Variants in WWOX observed in about 807,000 individuals in gnomAD.
WWOX encodes WW domain-containing oxidoreductase.
A neutral mutation model predicts 46.2 loss-of-function variants in WWOX; 69 were observed. That is an observed-to-expected ratio of 1.49 (90% confidence interval 1.23 to 1.82). The LOEUF (loss-of-function observed/expected upper bound fraction) is 1.82. WWOX is among the 40% of genes most tolerant of loss of function. The pLI, the probability that WWOX is intolerant of heterozygous loss-of-function variation, is 0.00. For missense variants in WWOX, 919 were observed against 542.6 expected (o/e 1.69, Z -6.89); for synonymous variants, 359 against 202.6 (o/e 1.77, Z -6.56).
Position 79,136,299 on chromosome 16 carries a change from C to G in WWOX, c.1057-75309C>G, listed in dbSNP as rs147058800. Among the ~76,000 whole-genome samples the G allele has an allele frequency of 9.8e-3, 1,482 of 151,384 alleles. 24 individuals are homozygous for G. The highest frequency in any genetic ancestry group is 0.034 in the African/African-American group (1,409 of 41,192). On this transcript the variant is annotated intron_variant, in intron 8 of 8. Coordinates refer to ENST00000566780, the MANE Select transcript of WWOX (RefSeq NM_016373.4). ...AGGCTGGAGTGCAGTGGTGCAATCTCGGCTCACTGCAACATTTGACTCCCT... is the reference window on the plus strand; with the variant it reads ...AGGCTGGAGTGCAGTGGTGCAATCTGGGCTCACTGCAACATTTGACTCCCT...
intron 8 of WWOX, among the ~76,000 whole-genome samples, chr16:78,922,801 AG>A (rs1288131779): frequency 6.6e-6 from 1 of 152,216 alleles, no homozygotes; most frequent in Non-Finnish European, 1.5e-5. Flanking sequence ...GAGTAACTAA[AG>A]GAACTGGAGC....
chr16:79,077,449 T>G (rs1171545079), intron 8 of WWOX: 2 of 152,074 alleles, frequency 1.3e-5, no homozygotes, highest in Non-Finnish European at 2.9e-5. Context: ...GGAAGCTAAG[T>G]AGGAGCTGAA....
intron 8 of WWOX, among the ~76,000 whole-genome samples, chr16:78,980,077 G>C (rs1249225370): frequency 6.6e-6 from 1 of 152,188 alleles, no homozygotes; most frequent in Non-Finnish European, 1.5e-5. Context: ...GTAGTAAGCT[G>C]AGATTGCACC....
intron 8 of WWOX, among the ~76,000 whole-genome samples, chr16:78,947,871 C>T (rs2045979791): frequency 1.3e-5 from 2 of 152,146 alleles, no homozygotes; most frequent in South Asian, 4.1e-4. Flanking sequence ...TTGTAAGCAT[C>T]CTTCCAACAG....
At chr16:78,178,335 C>T (rs932234582) in intron 5 of WWOX, among the ~76,000 whole-genome samples, 1 of 152,160 alleles carries the variant, frequency 6.6e-6, no homozygotes, top group African/African-American at 2.4e-5. Flanking sequence ...CAGCCTCTAG[C>T]CCAAAATTGT....
At chr16:79,000,494 C>T (rs2047072121) in intron 8 of WWOX, among the ~76,000 whole-genome samples, 1 of 152,130 alleles carries the variant, frequency 6.6e-6, no homozygotes, top group South Asian at 2.1e-4. Flanking sequence ...GGGTCATAAT[C>T]AGAGAGGTGG....
intron 8 of WWOX, chr16:78,897,440 C>T (rs1205056530): frequency 2.0e-5 from 3 of 151,982 alleles, no homozygotes; most frequent in South Asian, 2.1e-4. Flanking sequence ...TTGTATGTGT[C>T]GTCTTCTGCT....
intron 8 of WWOX, among the ~76,000 whole-genome samples, chr16:79,152,821 G>A (rs2050307499): frequency 2.0e-5 from 3 of 152,188 alleles, no homozygotes; most frequent in Admixed American, 6.5e-5. Context: ...GGCCAGCACT[G>A]GGGTGGAGGC....
intron 8 of WWOX, among the ~76,000 whole-genome samples, chr16:79,141,649 C>G (rs1028774164): frequency 3.9e-5 from 6 of 152,156 alleles, no homozygotes; most frequent in African/African-American, 1.2e-4. Flanking sequence ...ATGACAGTTT[C>G]TTGTTCATAT....
intron 8 of WWOX, among the ~76,000 whole-genome samples, chr16:78,433,703 C>T (rs534026733): frequency 1.3e-5 from 2 of 151,990 alleles, no homozygotes; most frequent in South Asian, 2.1e-4. Flanking sequence ...GATCTCACGA[C>T]CTTGGAAACT....
chr16:78,615,328 C>T lies in WWOX; in HGVS notation c.1056+182576C>T, dbSNP rs557472923. Among the ~76,000 whole-genome samples, 102 of 152,186 alleles carry T rather than the reference C, an allele frequency of 6.7e-4. No individual in the cohort carries two copies. In the Middle Eastern group the frequency reaches 0.02, roughly 30 times the overall value. On this transcript the variant is annotated intron_variant, in intron 8 of 8. Coordinates refer to ENST00000566780, the MANE Select transcript of WWOX (RefSeq NM_016373.4). ...TGCCTTTGCTCTCCTCTCCGCGACTCGGTACCTGGTGTATAGTTGGCTAAA... is the reference window on the plus strand; with the variant it reads ...TGCCTTTGCTCTCCTCTCCGCGACTTGGTACCTGGTGTATAGTTGGCTAAA...
At chr16:78,565,751 A>T (rs1033652383) in intron 8 of WWOX, among the ~76,000 whole-genome samples, 1 of 152,214 alleles carries the variant, frequency 6.6e-6, no homozygotes, top group Non-Finnish European at 1.5e-5. Context: ...TAGAGCAGGG[A>T]TAACAATATC....
intron 5 of WWOX, among the ~76,000 whole-genome samples, chr16:78,368,303 A>G (rs2081587747): frequency 6.6e-6 from 1 of 152,198 alleles, no homozygotes; most frequent in Non-Finnish European, 1.5e-5. Context: ...GAGTGATGAC[A>G]GGTGATACTT....
rs1372605777 is a variant in WWOX at position 78,822,036 on chromosome 16, C to A, written c.1056+389284C>A. Among the ~76,000 whole-genome samples the A allele has an allele frequency of 2.0e-5, 3 of 152,080 alleles. No homozygotes were observed. In the East Asian group the frequency reaches 5.8e-4, roughly 30 times the overall value. On this transcript the variant is annotated intron_variant, in intron 8 of 8. Coordinates refer to ENST00000566780, the MANE Select transcript of WWOX (RefSeq NM_016373.4). ...GGACTATAGGCATGCACCACCATGC[C>A]CAGCTATTTTTAAAATTTCCTGTAG...
At chr16:78,874,684 CTTTTTTTTTTT>C (rs552696627) in intron 8 of WWOX, among the ~76,000 whole-genome samples, 9 of 83,504 alleles carry the variant, frequency 1.1e-4, no homozygotes, top group East Asian at 4.1e-4. Flanking sequence ...AGATTTTTTT[CTTTTTTTTTTT>C]TTTTTTTTTT....
chr16:78,507,993 C>CGTGT (rs370434842), intron 8 of WWOX, among the ~76,000 whole-genome samples: 6,297 of 145,512 alleles, frequency 0.043, 438 homozygotes, highest in African/African-American at 0.14. Flanking sequence ...TTTTTGGTTG[C>CGTGT]GTGCGTGTGT....
At chr16:78,382,334 C>T (rs2081971656) in intron 5 of WWOX, among the ~76,000 whole-genome samples, 1 of 152,214 alleles carries the variant, frequency 6.6e-6, no homozygotes, top group South Asian at 2.1e-4. Context: ...GTGTAACTCA[C>T]CACATTGCCT....
chr16:79,016,935 G>C (rs936045815), intron 8 of WWOX: 8 of 152,214 alleles, frequency 5.3e-5, no homozygotes, highest in African/African-American at 1.9e-4. Context: ...CCTGACCTCA[G>C]GTGATCCGAC....
chr16:78,876,062 C>T (rs909798102), intron 8 of WWOX, among the ~76,000 whole-genome samples: 1 of 152,188 alleles, frequency 6.6e-6, no homozygotes, highest in Non-Finnish European at 1.5e-5. Flanking sequence ...TGCAGATGGA[C>T]AGCTGCCAAC....
Sources: gnomAD v4.1 joint callset for allele counts (sites outside exome capture counted in the v4.1 genomes callset) on GRCh38, gnomAD v4.1.1 for gene constraint, MANE v1.5 for transcripts, NCBI Gene and HGNC (gene_info 2026-07-23, HGNC 2026-07-21) for gene names.